PEAK1: variants seen among roughly 807,000 people sequenced by gnomAD.
PEAK1 encodes pseudopodium enriched atypical kinase 1.
PEAK1 carries 54 observed loss-of-function variants against 124.7 expected under a neutral mutation model. That is an observed-to-expected ratio of 0.43 (90% CI 0.35 to 0.54). The LOEUF (loss-of-function observed/expected upper bound fraction) is 0.54, where lower values mean the gene tolerates loss of function less well. Ranked by LOEUF, PEAK1 falls within the 20% of genes least tolerant of loss-of-function variation. PEAK1 has a pLI of 0.01. For missense variants in PEAK1, 2,046 were observed against 2,134.5 expected (o/e 0.96, Z 0.82); for synonymous variants, 719 against 760.0 (o/e 0.95, Z 0.89).
chr15:77,213,798 T>A (rs1029817576), intron 6 of PEAK1, among the ~76,000 whole-genome samples: 1 of 152,212 alleles, frequency 6.6e-6, no homozygotes, highest in Admixed American at 6.5e-5. Flanking sequence ...TTACATACAA[T>A]AAAATTCACC....
At chr15:77,201,232 CTTTTTTTTTT>C (rs11363810) in intron 6 of PEAK1, among the ~76,000 whole-genome samples, 1 of 77,220 alleles carries the variant, frequency 1.3e-5, no homozygotes, top group Non-Finnish European at 2.4e-5. Context: ...GCCTTTGTGT[CTTTTTTTTTT>C]TTTTTTTTTT....
rs1430052854 is a variant in PEAK1 at position 77,181,102 on chromosome 15, G to A, written c.825C>T (p.Phe275=). 1.9e-6 allele frequency: 3 copies of A among 1,614,072 alleles called. No individual in the cohort carries two copies. Among genetic ancestry groups the A allele is most frequent in the Non-Finnish European group, 2.5e-6 (3 of 1,180,036 alleles). The change falls in exon 7 of 10, where the codon TTC becomes TTT. Residue 275 remains phenylalanine, a synonymous_variant. Transcript: ENST00000682557. ...GAACAGGAGACAATGTGTTTGCTCT[G>A]AAGTTGGCAAAGCGAGGTTGCCCTC... is the stretch of plus-strand genomic sequence containing the variant. ...RMRGQPRFAN[F]RANTLSPVRF... is the part of the protein sequence containing the mutation.
intron 2 of PEAK1, chr15:77,337,852 C>T (rs1300604039): frequency 1.0e-6 from 1 of 985,218 alleles, no homozygotes; most frequent in Non-Finnish European, 1.2e-6. Context: ...AGAGCAAGGA[C>T]TTAAGAAAAA....
At chr15:77,399,371 G>C (rs1306872285) in intron 1 of PEAK1, among the ~76,000 whole-genome samples, 1 of 151,816 alleles carries the variant, frequency 6.6e-6, no homozygotes, top group African/African-American at 2.4e-5. Flanking sequence ...GCTATGCTGA[G>C]AAAAAAAGAA....
At chr15:77,292,095 TACACATGC>T (rs758339749) in intron 2 of PEAK1, among the ~76,000 whole-genome samples, 10 of 152,178 alleles carry the variant, frequency 6.6e-5, no homozygotes, top group Non-Finnish European at 1.5e-4. Context: ...GCAGATTTTC[TACACATGC>T]ACACACACAC....
At chr15:77,149,120 C>A (rs1224058917) in intron 8 of PEAK1, among the ~76,000 whole-genome samples, 2 of 152,152 alleles carry the variant, frequency 1.3e-5, no homozygotes, top group Non-Finnish European at 1.5e-5. Context: ...ATAGCCAGCC[C>A]ACAATCATGC....
intron 6 of PEAK1, among the ~76,000 whole-genome samples, chr15:77,184,361 T>TAA (rs1050328965): frequency 9.9e-5 from 15 of 152,198 alleles, no homozygotes; most frequent in African/African-American, 3.6e-4. Flanking sequence ...AACTCATATA[T>TAA]TGCTGGTGGG....
intron 7 of PEAK1, among the ~76,000 whole-genome samples, chr15:77,171,512 T>C (rs939416614): frequency 6.6e-6 from 1 of 151,804 alleles, no homozygotes; most frequent in African/African-American, 2.4e-5. Context: ...GAAGAGAGAA[T>C]ACGATAGGCT....
At chr15:77,227,350 G>A (rs924823911) in intron 6 of PEAK1, among the ~76,000 whole-genome samples, 1 of 152,004 alleles carries the variant, frequency 6.6e-6, no homozygotes, top group Non-Finnish European at 1.5e-5. Flanking sequence ...TAACACAGAG[G>A]CACATTGACT....
intron 1 of PEAK1, among the ~76,000 whole-genome samples, chr15:77,379,934 C>T (rs2069338338): frequency 1.3e-5 from 2 of 152,210 alleles, no homozygotes; most frequent in African/African-American, 2.4e-5. Flanking sequence ...CCTACCCTAA[C>T]CACTGCTCTT....
At chr15:77,330,673 CCTAA>C (rs1181755398) in intron 2 of PEAK1, among the ~76,000 whole-genome samples, 2 of 152,150 alleles carry the variant, frequency 1.3e-5, no homozygotes, top group Middle Eastern at 3.2e-3. Flanking sequence ...TCTCTTCCTC[CCTAA>C]CTTTCTTCAG....
At chr15:77,403,380 A>C (rs2071537494) in intron 1 of PEAK1, 1 of 922,052 alleles carries the variant, frequency 1.1e-6, no homozygotes, top group Admixed American at 6.2e-5. Context: ...AGATATAATG[A>C]ATAAAATATT....
chr15:77,222,497 G>A (rs184706665), intron 6 of PEAK1, among the ~76,000 whole-genome samples: 2 of 151,964 alleles, frequency 1.3e-5, no homozygotes, highest in Admixed American at 1.3e-4. Context: ...ATTTTATTTT[G>A]ATTTTATAGA....
chr15:77,125,249 G>A (rs1218740387), intron 9 of PEAK1, among the ~76,000 whole-genome samples: 1 of 152,200 alleles, frequency 6.6e-6, no homozygotes, highest in Non-Finnish European at 1.5e-5. Context: ...TAATAGTGGG[G>A]AGAGGGGAGA....
At chr15:77,139,628 A>G (rs2053611637) in intron 8 of PEAK1, among the ~76,000 whole-genome samples, 1 of 152,190 alleles carries the variant, frequency 6.6e-6, no homozygotes, top group East Asian at 1.9e-4. Context: ...TATATAGCAC[A>G]TGACTATATC....
At chr15:77,143,464 A>C (rs2053945762) in intron 8 of PEAK1, among the ~76,000 whole-genome samples, 1 of 152,128 alleles carries the variant, frequency 6.6e-6, no homozygotes, top group Admixed American at 6.5e-5. Context: ...TTCTGTCCTA[A>C]AGATCGTCTT....
chr15:77,385,893 G>A (rs2069887375), intron 1 of PEAK1, among the ~76,000 whole-genome samples: 1 of 151,998 alleles, frequency 6.6e-6, no homozygotes, highest in Non-Finnish European at 1.5e-5. Flanking sequence ...GAAGAAGGAA[G>A]GAGCCTTAGT....
intron 2 of PEAK1, among the ~76,000 whole-genome samples, chr15:77,362,182 C>T (rs1300079456): frequency 6.6e-6 from 1 of 152,054 alleles, no homozygotes; most frequent in Non-Finnish European, 1.5e-5. Flanking sequence ...AACAGTAATA[C>T]ATAGTTTCAA....
At chr15:77,165,901 T>C (rs1055111187) in intron 7 of PEAK1, among the ~76,000 whole-genome samples, 3 of 152,178 alleles carry the variant, frequency 2.0e-5, no homozygotes, top group African/African-American at 7.2e-5. Flanking sequence ...GGGATCTGAA[T>C]AGATACCATG....
Sources: gnomAD v4.1 joint callset for allele counts (sites outside exome capture counted in the v4.1 genomes callset) on GRCh38, gnomAD v4.1.1 for gene constraint, MANE v1.5 for transcripts, NCBI Gene and HGNC (gene_info 2026-07-23, HGNC 2026-07-21) for gene names.